The following CADM2 variants were observed in gnomAD, a reference collection of about 807,000 sequenced individuals.
The protein encoded by CADM2 is immunoglobulin superfamily member 4D.
Under a neutral mutation model 49.8 loss-of-function variants are expected in CADM2, and 12 were observed. That is an observed-to-expected ratio of 0.24 (90% CI 0.15 to 0.39). The LOEUF is 0.39. Among genes scored for constraint, CADM2 ranks in the 10% least tolerant of loss-of-function variants. The pLI, the probability that CADM2 is intolerant of heterozygous loss-of-function variation, is 1.00. For synonymous variants in CADM2, 214 were observed against 175.4 expected, an observed-to-expected ratio of 1.22 and a Z score of -1.74; for missense variants, 378 against 492.3, an observed-to-expected ratio of 0.77 and a Z score of 2.20.
At chr3:85,434,412 G>C (rs1444656265) in intron 1 of CADM2, among the ~76,000 whole-genome samples, 1 of 151,750 alleles carries the variant, frequency 6.6e-6, no homozygotes, top group African/African-American at 2.4e-5. Flanking sequence ...TGAAAAATTT[G>C]ATATAACAGT....
intron 1 of CADM2, among the ~76,000 whole-genome samples, chr3:85,533,518 T>C (rs1485139201): frequency 6.6e-6 from 1 of 152,154 alleles, no homozygotes; most frequent in Non-Finnish European, 1.5e-5. Flanking sequence ...TAATGAAAAT[T>C]TGGCTTACAC....
intron 8 of CADM2, among the ~76,000 whole-genome samples, chr3:86,031,046 G>A (rs965455600): frequency 1.3e-5 from 2 of 151,692 alleles, no homozygotes; most frequent in East Asian, 1.9e-4. Flanking sequence ...TTCTTAGGGT[G>A]GGCTTCTCTT....
intron 7 of CADM2, among the ~76,000 whole-genome samples, chr3:85,939,004 GGTA>G (rs1721510058): frequency 6.6e-6 from 1 of 151,962 alleles, no homozygotes; most frequent in Admixed American, 6.6e-5. Context: ...TAGGTATATT[GGTA>G]GTAGGCAAAA....
At chr3:85,359,438 T>A (rs2032143456) in intron 1 of CADM2, among the ~76,000 whole-genome samples, 1 of 151,200 alleles carries the variant, frequency 6.6e-6, no homozygotes, top group African/African-American at 2.4e-5. Context: ...AATCAACATC[T>A]GTTGGAAATC....
Position 86,069,967 on chromosome 3 carries a change from G to A in CADM2, c.*3184G>A, listed in dbSNP as rs1453624889. 1 of 152,086 alleles carries A rather than the reference G, an allele frequency of 6.6e-6. No homozygotes were observed. The highest frequency in any genetic ancestry group is 1.5e-5 in the Non-Finnish European group (1 of 67,930). 9.4% of individuals were successfully genotyped at this position (152,086 alleles called of 1,614,324 possible). On this transcript the variant is annotated 3_prime_UTR_variant, in exon 10 of 10. Coordinates refer to ENST00000383699, the MANE Select transcript of CADM2 (RefSeq NM_001167675.2). Reference sequence around the variant, plus strand: ...GAGTACTGATGGTGTGCGTGTTTGTGTGTGTGTATATGTGTGTGTATAAGA... The same window carrying A: ...GAGTACTGATGGTGTGCGTGTTTGTATGTGTGTATATGTGTGTGTATAAGA...
chr3:85,142,340 G>A (rs911071042), intron 1 of CADM2, among the ~76,000 whole-genome samples: 6 of 152,206 alleles, frequency 3.9e-5, no homozygotes, highest in African/African-American at 1.2e-4. Flanking sequence ...GTTAAAATAC[G>A]TCATATCTTG....
intron 1 of CADM2, among the ~76,000 whole-genome samples, chr3:85,544,363 G>A (rs1200178060): frequency 6.6e-6 from 1 of 152,006 alleles, no homozygotes; most frequent in Non-Finnish European, 1.5e-5. Flanking sequence ...CGGATCACGA[G>A]GTCAGGAGAT....
intron 3 of CADM2, among the ~76,000 whole-genome samples, chr3:85,843,900 G>C (rs1214188342): frequency 2.0e-5 from 3 of 151,818 alleles, no homozygotes; most frequent in East Asian, 1.9e-4. Context: ...GTGTGTGTGG[G>C]GGGGGAGCGG....
At chr3:85,597,035 T>A (rs937836812) in intron 1 of CADM2, among the ~76,000 whole-genome samples, 1 of 152,058 alleles carries the variant, frequency 6.6e-6, no homozygotes, top group African/African-American at 2.4e-5. Context: ...ATTCTTGATA[T>A]ATAAATAGGA....
At chr3:85,133,082 C>T (rs541688298) in intron 1 of CADM2, among the ~76,000 whole-genome samples, 2 of 152,252 alleles carry the variant, frequency 1.3e-5, no homozygotes, top group African/African-American at 4.8e-5. Context: ...TTCCTTCCTC[C>T]AGGTGGGCTC....
intron 1 of CADM2, among the ~76,000 whole-genome samples, chr3:85,072,718 G>A (rs1047670412): frequency 9.9e-5 from 15 of 151,818 alleles, no homozygotes; most frequent in African/African-American, 3.6e-4. Context: ...CTTTGTAAAG[G>A]AAAAAATTTG....
intron 1 of CADM2, among the ~76,000 whole-genome samples, chr3:85,010,370 C>A (rs1029467444): frequency 6.6e-6 from 1 of 152,088 alleles, no homozygotes; most frequent in Non-Finnish European, 1.5e-5. Flanking sequence ...TATAAATAGT[C>A]CAGGAATACC....
At chr3:85,865,607 T>C (rs923363409) in intron 3 of CADM2, among the ~76,000 whole-genome samples, 1 of 152,160 alleles carries the variant, frequency 6.6e-6, no homozygotes, top group African/African-American at 2.4e-5. Flanking sequence ...AAATTTTACA[T>C]GTGGAAAAAA....
rs141177883 is a variant in CADM2 at position 85,446,991 on chromosome 3, CATATATATATATATATATAT to C, written c.62-279510_62-279491del. 4.3e-3 allele frequency among the ~76,000 whole-genome samples: 232 copies of C among 54,566 alleles called. 6 individuals are homozygous for C. The highest frequency in any genetic ancestry group is 0.029 in the Middle Eastern group (2 of 68). 35.8% of individuals were successfully genotyped at this position (54,566 alleles called of 152,430 possible). On this transcript the variant is annotated intron_variant, in intron 1 of 9. Coordinates refer to ENST00000383699, the MANE Select transcript of CADM2 (RefSeq NM_001167675.2). Reference sequence around the variant, plus strand: ...AATGACTTAAGCCTAATATGTATTGCATATATATATATATATATATATATATATATATATATATATGCTTA... The same window carrying C: ...AATGACTTAAGCCTAATATGTATTGCATATATATATATATATATATGCTTA...
At chr3:85,899,210 C>T (rs940028962) in intron 5 of CADM2, among the ~76,000 whole-genome samples, 1 of 151,650 alleles carries the variant, frequency 6.6e-6, no homozygotes, top group Non-Finnish European at 1.5e-5. Flanking sequence ...AGGTGATCCA[C>T]CCACCTTGGC....
chr3:85,157,661 C>G (rs987147323), intron 1 of CADM2, among the ~76,000 whole-genome samples: 1 of 151,908 alleles, frequency 6.6e-6, no homozygotes, highest in African/African-American at 2.4e-5. Flanking sequence ...AACTGGATCC[C>G]TTCCTTACAC....
chr3:86,044,272 G>A (rs912682698), intron 8 of CADM2, among the ~76,000 whole-genome samples: 19 of 152,094 alleles, frequency 1.2e-4, no homozygotes, highest in African/African-American at 3.9e-4. Context: ...GAGTGAACAG[G>A]CAACCCACAG....
At chr3:85,085,042 C>A (rs962578550) in intron 1 of CADM2, among the ~76,000 whole-genome samples, 3 of 152,056 alleles carry the variant, frequency 2.0e-5, no homozygotes, top group Non-Finnish European at 4.4e-5. Context: ...GTAATATATT[C>A]ATCACCTCAC....
chr3:85,486,409 T>C (rs2039418902), intron 1 of CADM2, among the ~76,000 whole-genome samples: 1 of 152,172 alleles, frequency 6.6e-6, no homozygotes, highest in Non-Finnish European at 1.5e-5. Flanking sequence ...TGGATTTCCA[T>C]ATTGAAAATG....
Sources: allele counts gnomAD v4.1 joint callset (sites outside exome capture counted in the v4.1 genomes callset), GRCh38; gene constraint gnomAD v4.1.1; transcripts MANE v1.5; gene names NCBI Gene and HGNC (gene_info 2026-07-23, HGNC 2026-07-21).